Variants in MATN2 observed in about 807,000 individuals in gnomAD.
MATN2 encodes the protein matrilin 2.
Under a neutral mutation model 103.2 loss-of-function variants are expected in MATN2, and 69 were observed. The observed-to-expected ratio is 0.67, with a 90% CI of 0.55 to 0.82. MATN2 has a LOEUF of 0.82. Ranked by LOEUF, MATN2 falls within the 40% of genes least tolerant of loss-of-function variation. The pLI is 0.00. For synonymous variants in MATN2, 429 were observed against 450.2 expected, an observed-to-expected ratio of 0.95 and a Z score of 0.60; for missense variants, 1,023 against 1,211.5, an observed-to-expected ratio of 0.84 and a Z score of 2.31.
At chr8:97,900,235 A>G (rs1388825143) in intron 2 of MATN2, among the ~76,000 whole-genome samples, 1 of 152,092 alleles carries the variant, frequency 6.6e-6, no homozygotes, top group Non-Finnish European at 1.5e-5. Flanking sequence ...GGGAGGAGGA[A>G]GTTATTATAA....
chr8:97,998,112 G>A (rs570322287), intron 7 of MATN2, among the ~76,000 whole-genome samples: 11 of 150,968 alleles, frequency 7.3e-5, no homozygotes, highest in Middle Eastern at 3.4e-3. Flanking sequence ...GAGCCACCAC[G>A]CCCAGCCGAA....
chr8:98,027,866 G>C (rs1288613986), intron 14 of MATN2, 37 bp downstream of exon 14: 1 of 1,512,582 alleles, frequency 6.6e-7, no homozygotes, highest in Non-Finnish European at 8.8e-7. Flanking sequence ...CACCACTCAA[G>C]GTTCAGGTTT....
chr8:97,936,800 C>T (rs1287139018), intron 3 of MATN2, among the ~76,000 whole-genome samples: 1 of 152,206 alleles, frequency 6.6e-6, no homozygotes, highest in Non-Finnish European at 1.5e-5. Context: ...AAGGCCCATC[C>T]CACAGAGGGC....
rs771730006 is a variant in MATN2, at chr8:98,033,118, TGAA to T, written c.2664_2666del (p.Glu888del). 7.9e-5 allele frequency: 127 copies of T among 1,611,488 alleles called. No homozygotes were observed. In the Middle Eastern group the frequency reaches 8.3e-4, roughly 10 times the overall value. On this transcript the variant is annotated inframe_deletion, in exon 17 of 19. Coordinates refer to ENST00000254898, the MANE Select transcript of MATN2 (RefSeq NM_002380.5). ...TTGCAGTGCAACACAGATATCTGTT[TGAA>T]GAAGACAATCTTTTACGGTCTACAC...
intron 16 of MATN2, 107 bp downstream of exon 16, chr8:98,032,424 T>C: frequency 1.2e-6 from 1 of 800,138 alleles, no homozygotes; most frequent in Non-Finnish European, 2.0e-6. Context: ...CAAATTATGA[T>C]AATGAAGGCC....
intron 5 of MATN2, among the ~76,000 whole-genome samples, chr8:97,974,016 CA>C (rs1256269354): frequency 1.1e-4 from 17 of 152,144 alleles, no homozygotes; most frequent in Admixed American, 1.1e-3. Context: ...TTGTTTCATC[CA>C]TGCCTGGTTC....
chr8:97,960,239 G>A (rs1811264642), intron 4 of MATN2, among the ~76,000 whole-genome samples: 1 of 152,212 alleles, frequency 6.6e-6, no homozygotes, highest in Admixed American at 6.5e-5. Context: ...TTACAGGTGT[G>A]AGCTACCACG....
chr8:97,982,567 G>T lies in MATN2; in HGVS notation c.1081+3559G>T, dbSNP rs939864067. ...AAGTGTGCAACTATTATCTCAAAAA[G>T]GTAGACTAGTCAATGTAATAAACCA... On this transcript the variant is annotated intron_variant, in intron 6 of 18. Coordinates refer to ENST00000254898, the MANE Select transcript of MATN2 (RefSeq NM_002380.5). The surrounding 1 kb of genome is among the most constrained non-coding windows in gnomAD (Gnocchi z 4.3). 1.3e-5 allele frequency among the ~76,000 whole-genome samples: 2 copies of T among 152,116 alleles called. No individual in the cohort carries two copies. Among genetic ancestry groups the T allele is most frequent in the African/African-American group, 2.4e-5 (1 of 41,424 alleles).
chr8:97,979,261 G>A (rs1307622908), intron 6 of MATN2, among the ~76,000 whole-genome samples: 1 of 152,182 alleles, frequency 6.6e-6, no homozygotes. Flanking sequence ...AGCATCTGCT[G>A]AGCATGCTGA....
intron 12 of MATN2, among the ~76,000 whole-genome samples, chr8:98,020,709 G>A (rs1813559716): frequency 1.3e-5 from 2 of 152,286 alleles, no homozygotes; most frequent in South Asian, 4.1e-4. Flanking sequence ...GGAGACAGCT[G>A]TGTCATCAAC....
intron 5 of MATN2, among the ~76,000 whole-genome samples, chr8:97,962,335 G>T (rs1291449217): frequency 6.6e-6 from 1 of 152,168 alleles, no homozygotes; most frequent in Admixed American, 6.5e-5. Flanking sequence ...TTGTTTTCAG[G>T]ACCCTATTTT....
chr8:97,909,818 C>T (rs1309515284), intron 2 of MATN2, among the ~76,000 whole-genome samples: 1 of 151,458 alleles, frequency 6.6e-6, no homozygotes, highest in South Asian at 2.1e-4. Flanking sequence ...GAGTCTCGCT[C>T]TGTCGCCCCG....
At chr8:98,030,248 A>G (rs1438822779) in intron 14 of MATN2, among the ~76,000 whole-genome samples, 1 of 152,184 alleles carries the variant, frequency 6.6e-6, no homozygotes, top group African/African-American at 2.4e-5. Flanking sequence ...TTAGTTCCCC[A>G]GCGTCTCCCA....
intron 14 of MATN2, among the ~76,000 whole-genome samples, chr8:98,028,788 C>T (rs11996661): frequency 0.029 from 4,413 of 152,120 alleles, 188 homozygotes; most frequent in African/African-American, 0.097. Flanking sequence ...GGGGTTTCAC[C>T]GTGTTAGCCA....
At chr8:98,000,474 G>A (rs1413062442) in intron 7 of MATN2, among the ~76,000 whole-genome samples, 1 of 151,684 alleles carries the variant, frequency 6.6e-6, no homozygotes, top group East Asian at 1.9e-4. Context: ...GCGGGCACCT[G>A]TAGTCCCAGC....
chr8:97,917,142 C>G (rs1450227199), intron 2 of MATN2, among the ~76,000 whole-genome samples: 1 of 152,116 alleles, frequency 6.6e-6, no homozygotes, highest in Non-Finnish European at 1.5e-5. Flanking sequence ...CACCCATTCC[C>G]CAGCACCTTC....
At chr8:97,944,502 G>A (rs559152389) in intron 4 of MATN2, among the ~76,000 whole-genome samples, 1 of 152,314 alleles carries the variant, frequency 6.6e-6, no homozygotes, top group African/African-American at 2.4e-5. Context: ...GGCCTTGGTG[G>A]AAGAACAAGG....
At chr8:97,923,242 T>C (rs1005814135) in intron 2 of MATN2, among the ~76,000 whole-genome samples, 1 of 152,176 alleles carries the variant, frequency 6.6e-6, no homozygotes, top group African/African-American at 2.4e-5. Context: ...CCAGTGTCCC[T>C]TTGAAACTGT....
chr8:97,896,685 G>A (rs1278783015), intron 2 of MATN2, among the ~76,000 whole-genome samples: 1 of 151,360 alleles, frequency 6.6e-6, no homozygotes, highest in Non-Finnish European at 1.5e-5. Flanking sequence ...TGGGCAGTGG[G>A]ATCAGGCAAC....
Sources: allele counts gnomAD v4.1 joint callset (sites outside exome capture counted in the v4.1 genomes callset), GRCh38; gene constraint gnomAD v4.1.1; non-coding constraint Gnocchi (gnomAD v3.1); transcripts MANE v1.5; gene names NCBI Gene and HGNC (gene_info 2026-07-23, HGNC 2026-07-21).